The following PDLIM1 variants were observed in gnomAD, a reference collection of about 807,000 sequenced individuals.
PDLIM1 encodes PDZ and LIM domain protein 1.
Under a neutral mutation model 35.2 loss-of-function variants are expected in PDLIM1, and 25 were observed. The ratio of observed to expected loss-of-function variants is 0.71; its 90% confidence interval spans 0.52 to 0.99. The LOEUF (loss-of-function observed/expected upper bound fraction) is 0.99. PDLIM1 is among the 50% of genes least tolerant of loss of function. The pLI is 0.00. For missense variants in PDLIM1, 363 were observed against 415.3 expected (o/e 0.87, Z 1.09); for synonymous variants, 152 against 154.0 (o/e 0.99, Z 0.10).
At chr10:95,244,151 T>G (rs1052597936) in intron 5 of PDLIM1, among the ~76,000 whole-genome samples, 1 of 152,208 alleles carries the variant, frequency 6.6e-6, no homozygotes, top group Non-Finnish European at 1.5e-5. Context: ...CGGCTTCTTC[T>G]GCCTGCAAGT....
intron 3 of PDLIM1, among the ~76,000 whole-genome samples, chr10:95,267,318 G>T (rs772596032): frequency 6.6e-6 from 1 of 152,016 alleles, no homozygotes; most frequent in Non-Finnish European, 1.5e-5. Flanking sequence ...AAGTTAAAAC[G>T]AAATCATTCC....
intron 3 of PDLIM1, among the ~76,000 whole-genome samples, chr10:95,265,481 G>A (rs1288977419): frequency 6.6e-6 from 1 of 150,504 alleles, no homozygotes; most frequent in Admixed American, 6.7e-5. Context: ...TGTAATCCCA[G>A]CTACTCGGGA....
At chr10:95,249,150 T>G (rs182216018) in intron 4 of PDLIM1, among the ~76,000 whole-genome samples, 50 of 152,332 alleles carry the variant, frequency 3.3e-4, no homozygotes, top group African/African-American at 7.5e-4. Flanking sequence ...GCAGCAGGCA[T>G]CAGGCAAGTG....
intron 4 of PDLIM1, among the ~76,000 whole-genome samples, chr10:95,257,139 A>G (rs1365607102): frequency 6.6e-6 from 1 of 151,906 alleles, no homozygotes; most frequent in Non-Finnish European, 1.5e-5. Flanking sequence ...GACACCTGTA[A>G]TCTCAGCACT....
At chr10:95,283,171 C>A (rs534585226) in intron 1 of PDLIM1, among the ~76,000 whole-genome samples, 1 of 152,192 alleles carries the variant, frequency 6.6e-6, no homozygotes, top group East Asian at 1.9e-4. Context: ...GTAAAGAGTT[C>A]AGAACAATGC....
chr10:95,287,548 T>A lies in PDLIM1; in HGVS notation c.96+3272A>T, dbSNP rs45477993. On this transcript the variant is annotated intron_variant, in intron 1 of 6. Coordinates refer to ENST00000329399, the MANE Select transcript of PDLIM1 (RefSeq NM_020992.4). ...TGGCCTCACCCTTTCCTGTCTTTTATCAGTTGCTGGGAGAGAAAAACAGTC... is the reference window on the plus strand; with the variant it reads ...TGGCCTCACCCTTTCCTGTCTTTTAACAGTTGCTGGGAGAGAAAAACAGTC... Among the ~76,000 whole-genome samples the A allele has an allele frequency of 9.0e-3, 1,376 of 152,268 alleles. 26 individuals are homozygous for A. The highest frequency in any genetic ancestry group is 0.032 in the African/African-American group (1,313 of 41,548).
chr10:95,246,097 C>T (rs1460094431), intron 5 of PDLIM1, among the ~76,000 whole-genome samples: 1 of 152,098 alleles, frequency 6.6e-6, no homozygotes, highest in Non-Finnish European at 1.5e-5. Flanking sequence ...AAACAAGACC[C>T]CACTGAAGTG....
chr10:95,238,922 C>A, intron 5 of PDLIM1: 7 of 419,892 alleles, frequency 1.7e-5, no homozygotes, highest in Non-Finnish European at 2.6e-5. Context: ...CAATCCTAAG[C>A]AAAAACAATA....
chr10:95,246,234 T>C (rs2133412206), intron 5 of PDLIM1, among the ~76,000 whole-genome samples: 1 of 152,300 alleles, frequency 6.6e-6, no homozygotes, highest in Middle Eastern at 3.4e-3. Context: ...GATGAGGAAC[T>C]ACCAGGGAAG....
At chr10:95,245,945 G>C (rs1480295752) in intron 5 of PDLIM1, among the ~76,000 whole-genome samples, 1 of 152,176 alleles carries the variant, frequency 6.6e-6, no homozygotes, top group Admixed American at 6.5e-5. Context: ...CTTCCAGAGG[G>C]CACAAGCCTC....
intron 5 of PDLIM1, among the ~76,000 whole-genome samples, chr10:95,246,019 G>A (rs999043438): frequency 6.6e-6 from 1 of 152,180 alleles, no homozygotes; most frequent in African/African-American, 2.4e-5. Context: ...CCATCACAAG[G>A]TGTCCCCTCA....
intron 4 of PDLIM1, among the ~76,000 whole-genome samples, chr10:95,251,721 T>A (rs1345922702): frequency 6.6e-6 from 1 of 152,168 alleles, no homozygotes; most frequent in Non-Finnish European, 1.5e-5. Context: ...ATTTTTCCTG[T>A]CTGAGAAGAT....
At chr10:95,274,135 T>C (rs912470502) in intron 1 of PDLIM1, among the ~76,000 whole-genome samples, 1 of 152,110 alleles carries the variant, frequency 6.6e-6, no homozygotes, top group Non-Finnish European at 1.5e-5. Flanking sequence ...ATCATGCCTC[T>C]TCCCCACTGG....
intron 4 of PDLIM1, among the ~76,000 whole-genome samples, chr10:95,248,181 C>G (rs1466516307): frequency 2.6e-5 from 4 of 152,218 alleles, no homozygotes; most frequent in African/African-American, 4.8e-5. Context: ...CTCCCCACCT[C>G]CCCCAGGTCC....
rs1414047320 is a variant in PDLIM1, at chr10:95,256,726, C to T, written c.533+7138G>A. Among the ~76,000 whole-genome samples, 4 of 152,154 alleles carry T rather than the reference C, an allele frequency of 2.6e-5. No homozygotes were observed. In the East Asian group the frequency reaches 7.7e-4, roughly 29 times the overall value. On this transcript the variant is annotated intron_variant, in intron 4 of 6. Coordinates refer to ENST00000329399, the MANE Select transcript of PDLIM1 (RefSeq NM_020992.4). ...GTGGCTCATGCCTGTAATCCCAGCA[C>T]TTTGGGAGGCTGAGGCAGGCAGATC... is the stretch of plus-strand genomic sequence containing the variant.
chr10:95,238,202 G>T, intron 6 of PDLIM1, 91 bp from the exon 7 acceptor site: 3 of 1,166,836 alleles, frequency 2.6e-6, no homozygotes, highest in Admixed American at 2.3e-5. Flanking sequence ...CTGAGCAGGG[G>T]CCTGGGGCTT....
rs45460492 is a variant in PDLIM1 at position 95,267,280 on chromosome 10, A to G, written c.333+1498T>C. 5.8e-3 allele frequency among the ~76,000 whole-genome samples: 885 copies of G among 152,380 alleles called. 10 individuals are homozygous for G. Among genetic ancestry groups the G allele is most frequent in the African/African-American group, 0.02 (822 of 41,598 alleles). On this transcript the variant is annotated intron_variant, in intron 3 of 6. Coordinates refer to ENST00000329399, the MANE Select transcript of PDLIM1 (RefSeq NM_020992.4). ...TGAAATTTACATAATTACCTTATTT[A>G]CATGAAAATGAGGATTTCAGATAGA...
At chr10:95,283,811 A>G (rs1418306834) in intron 1 of PDLIM1, among the ~76,000 whole-genome samples, 1 of 152,248 alleles carries the variant, frequency 6.6e-6, no homozygotes, top group African/African-American at 2.4e-5. Flanking sequence ...GATAAAGAAG[A>G]GGACATTACC....
chr10:95,282,881 T>C (rs1400074090), intron 1 of PDLIM1, among the ~76,000 whole-genome samples: 1 of 152,180 alleles, frequency 6.6e-6, no homozygotes, highest in East Asian at 1.9e-4. Flanking sequence ...GAGATGGAGG[T>C]TGCAATGAGC....
Sources: allele counts gnomAD v4.1 joint callset (sites outside exome capture counted in the v4.1 genomes callset), GRCh38; gene constraint gnomAD v4.1.1; transcripts MANE v1.5; gene names NCBI Gene and HGNC (gene_info 2026-07-23, HGNC 2026-07-21).